Variants in RRAGD observed in about 807,000 individuals in gnomAD.
RRAGD encodes the protein ras-related GTP-binding protein D.
In RRAGD, 12 loss-of-function variants were observed where a neutral mutation model predicts 35.5. That is an observed-to-expected ratio of 0.34 (90% CI 0.22 to 0.55). RRAGD has a LOEUF of 0.55. Ranked by LOEUF, RRAGD falls within the 20% of genes least tolerant of loss-of-function variation. RRAGD has a pLI of 0.91. For missense variants in RRAGD, 324 were observed against 490.1 expected, an observed-to-expected ratio of 0.66 and a Z score of 3.20; for synonymous variants, 155 against 178.9, an observed-to-expected ratio of 0.87 and a Z score of 1.07.
Position 89,377,742 on chromosome 6 carries a change from C to T in RRAGD, c.831G>A (p.Pro277=), listed in dbSNP as rs750936895. ...AGAGCTCATAGGTTTGCATATCCAC[C>T]GGAGTACTATCAGTTGCAATATAAA... ...SKIYIATDST[P]VDMQTYELCC... The change falls in exon 5 of 7, where the codon CCG becomes CCA. Residue 277 remains proline, a synonymous_variant. Transcript: ENST00000369415. 1.7e-5 allele frequency: 28 copies of T among 1,611,850 alleles called. No homozygotes were observed. Among genetic ancestry groups the T allele is most frequent in the Middle Eastern group, 1.6e-4 (1 of 6,080 alleles).
intron 1 of RRAGD, among the ~76,000 whole-genome samples, chr6:89,394,440 GA>G (rs888590333): frequency 6.6e-6 from 1 of 151,682 alleles, no homozygotes; most frequent in East Asian, 1.9e-4. Context: ...AAGACAAAAG[GA>G]AAAAAAATCT....
At chr6:89,385,305 A>T (rs1582512026) in intron 2 of RRAGD, among the ~76,000 whole-genome samples, 1 of 152,174 alleles carries the variant, frequency 6.6e-6, no homozygotes, top group East Asian at 1.9e-4. Context: ...TCTTGAAATG[A>T]TGAGTCATCT....
intron 5 of RRAGD, among the ~76,000 whole-genome samples, chr6:89,376,312 T>C (rs59519142): frequency 0.035 from 4,875 of 138,810 alleles, 308 homozygotes; most frequent in East Asian, 0.29. Context: ...TGTGTGTGTG[T>C]GTGTGTGTGT....
chr6:89,392,479 C>CAAA lies in RRAGD; in HGVS notation c.149-4890_149-4889insTTT, dbSNP rs113271127. 1.7e-3 allele frequency among the ~76,000 whole-genome samples: 247 copies of CAAA among 141,674 alleles called. 1 individual carries two copies. Among genetic ancestry groups the CAAA allele is most frequent in the South Asian group, 6.8e-3 (31 of 4,574 alleles). The allele number at this position is 141,674 out of a possible 152,430, so 92.9% of individuals were successfully genotyped here. ...TGGACAACAGTGCAAAACCCTGTCTCGAAAAAAAAAAAAAAGAATATAAAA... is the reference window on the plus strand; with the variant it reads ...TGGACAACAGTGCAAAACCCTGTCTCAAAGAAAAAAAAAAAAAAGAATATAAAA... On this transcript the variant is annotated intron_variant, in intron 1 of 6. Coordinates refer to ENST00000369415, the MANE Select transcript of RRAGD (RefSeq NM_021244.5).
chr6:89,402,478 T>G (rs987112829), intron 1 of RRAGD, among the ~76,000 whole-genome samples: 1 of 152,124 alleles, frequency 6.6e-6, no homozygotes, highest in Admixed American at 6.5e-5. Flanking sequence ...GACAAAGAAC[T>G]AAGGCACAGG....
chr6:89,374,902 T>C (rs1458355798), intron 5 of RRAGD, among the ~76,000 whole-genome samples: 1 of 152,200 alleles, frequency 6.6e-6, no homozygotes, highest in Non-Finnish European at 1.5e-5. Flanking sequence ...TTAACTACTA[T>C]ATTTTAAGGC....
chr6:89,378,936 A>ATTT (rs11395340), intron 4 of RRAGD, among the ~76,000 whole-genome samples: 2 of 151,916 alleles, frequency 1.3e-5, no homozygotes, highest in African/African-American at 4.8e-5. Context: ...TAGTTTTTAC[A>ATTT]TTTTTTTTGT....
At chr6:89,376,992 C>T (rs1582506255) in intron 5 of RRAGD, among the ~76,000 whole-genome samples, 1 of 152,314 alleles carries the variant, frequency 6.6e-6, no homozygotes, top group South Asian at 2.1e-4. Context: ...CCTCAGCCTA[C>T]TCAATGTGAA....
At chr6:89,380,869 T>A (rs1769030259) in intron 2 of RRAGD, among the ~76,000 whole-genome samples, 1 of 149,534 alleles carries the variant, frequency 6.7e-6, no homozygotes. Flanking sequence ...ATCACACCAC[T>A]GTACTCCAGC....
At chr6:89,396,728 ATTTTTTTTT>A (rs1160973684) in intron 1 of RRAGD, among the ~76,000 whole-genome samples, 12,845 of 76,060 alleles carry the variant, frequency 0.17, 917 homozygotes, top group East Asian at 0.35. Flanking sequence ...CAATGACCCA[ATTTTTTTTT>A]TTTTTTTTTT....
intron 1 of RRAGD, among the ~76,000 whole-genome samples, chr6:89,397,754 T>C (rs1253640846): frequency 6.6e-6 from 1 of 152,234 alleles, no homozygotes; most frequent in African/African-American, 2.4e-5. Context: ...TTATGCCTAA[T>C]GAAAGAAGCC....
chr6:89,376,908 G>A (rs1273890326), intron 5 of RRAGD, among the ~76,000 whole-genome samples: 1 of 152,060 alleles, frequency 6.6e-6, no homozygotes, highest in Non-Finnish European at 1.5e-5. Context: ...AACTGCCTAG[G>A]TCCACTTATA....
At chr6:89,396,728 ATTTTTTTTTTTTTTTTTTT>A (rs1160973684) in intron 1 of RRAGD, among the ~76,000 whole-genome samples, 1 of 76,392 alleles carries the variant, frequency 1.3e-5, no homozygotes, top group Non-Finnish European at 2.3e-5. Context: ...CAATGACCCA[ATTTTTTTTTTTTTTTTTTT>A]TTTTTTTTTT....
At chr6:89,404,980 T>A (rs766835431) in intron 1 of RRAGD, among the ~76,000 whole-genome samples, 1 of 152,120 alleles carries the variant, frequency 6.6e-6, no homozygotes, top group Non-Finnish European at 1.5e-5. Context: ...AGTATTATAA[T>A]TAAGGAGAGT....
At chr6:89,409,739 G>C (rs980142735) in intron 1 of RRAGD, among the ~76,000 whole-genome samples, 1 of 152,066 alleles carries the variant, frequency 6.6e-6, no homozygotes, top group Non-Finnish European at 1.5e-5. Flanking sequence ...TCCTGACAAG[G>C]GATTCTGCAT....
At chr6:89,389,993 T>C (rs1769202279) in intron 1 of RRAGD, among the ~76,000 whole-genome samples, 1 of 152,200 alleles carries the variant, frequency 6.6e-6, no homozygotes, top group Admixed American at 6.5e-5. Context: ...AAGAATGAAG[T>C]TAGACCCTTA....
chr6:89,406,447 G>C (rs1277878030), intron 1 of RRAGD, among the ~76,000 whole-genome samples: 1 of 152,020 alleles, frequency 6.6e-6, no homozygotes, highest in Non-Finnish European at 1.5e-5. Flanking sequence ...CACATCAGTG[G>C]AGGAACACAC....
In RRAGD at chr6:89,411,812, G is replaced by A. The variant is rs746487749; in HGVS notation, c.148+34C>T. ...GGAAGGCGCCAAGGGGAGGAAAGGG[G>A]CGCGAGCCGAGGACGCGGGGGCCGG... is the stretch of plus-strand genomic sequence containing the variant. On this transcript the variant is annotated intron_variant, in intron 1 of 6. Transcript: ENST00000369415. This position sits in a 1 kb window ranked among gnomAD's most constrained non-coding sequence, Gnocchi z 5.6. The A allele has an allele frequency of 1.3e-6, 2 of 1,533,234 alleles. No homozygotes were observed. Among genetic ancestry groups the A allele is most frequent in the Non-Finnish European group, 8.7e-7 (1 of 1,144,610 alleles). 95.0% of individuals were successfully genotyped at this position (1,533,234 alleles called of 1,614,324 possible). A position where few individuals can be genotyped will look rare whatever the true frequency, so the allele number is the denominator to read the frequency against.
intron 1 of RRAGD, among the ~76,000 whole-genome samples, chr6:89,394,782 T>C (rs1002583872): frequency 2.0e-4 from 31 of 151,860 alleles, no homozygotes; most frequent in African/African-American, 7.2e-4. Context: ...TTTAAAACGG[T>C]CCAGAAGGAT....
Sources: allele counts gnomAD v4.1 joint callset (sites outside exome capture counted in the v4.1 genomes callset), GRCh38; gene constraint gnomAD v4.1.1; non-coding constraint Gnocchi (gnomAD v3.1); transcripts MANE v1.5; gene names NCBI Gene and HGNC (gene_info 2026-07-23, HGNC 2026-07-21).